The following TENM4 variants were observed in gnomAD, a reference collection of about 807,000 sequenced individuals.
TENM4 encodes teneurin transmembrane protein 4, also known as teneurin-4.
TENM4 carries 82 observed loss-of-function variants against 243.3 expected under a neutral mutation model. The ratio of observed to expected loss-of-function variants is 0.34; its 90% confidence interval spans 0.28 to 0.40. The LOEUF is 0.40. Among genes scored for constraint, TENM4 ranks in the 10% least tolerant of loss-of-function variants. TENM4 has a pLI of 1.00. For missense variants in TENM4, 3,138 were observed against 3,673.3 expected (o/e 0.85, Z 3.77); for synonymous variants, 1,412 against 1,456.3 (o/e 0.97, Z 0.69).
intron 1 of TENM4, among the ~76,000 whole-genome samples, chr11:79,303,543 A>T (rs1856582127): frequency 6.6e-6 from 1 of 152,106 alleles, no homozygotes; most frequent in Non-Finnish European, 1.5e-5. Context: ...ACAAATATTA[A>T]CTCATTTAAC....
intron 1 of TENM4, among the ~76,000 whole-genome samples, chr11:79,405,860 A>C (rs1345909452): frequency 6.6e-6 from 1 of 151,538 alleles, no homozygotes; most frequent in South Asian, 2.1e-4. Flanking sequence ...AAAAAAAAAA[A>C]AAAAAAAAAA....
intron 2 of TENM4, among the ~76,000 whole-genome samples, chr11:79,288,343 T>A (rs541339993): frequency 6.6e-6 from 1 of 152,262 alleles, no homozygotes; most frequent in Non-Finnish European, 1.5e-5. Flanking sequence ...AGCCAGGCTG[T>A]GCCTAGCACT....
chr11:79,115,187 T>A (rs1396147659), intron 4 of TENM4, among the ~76,000 whole-genome samples: 1 of 152,128 alleles, frequency 6.6e-6, no homozygotes, highest in Non-Finnish European at 1.5e-5. Flanking sequence ...TGACGGAAAC[T>A]TGGAAAATGT....
Position 78,855,952 on chromosome 11 carries a change from G to C in TENM4, c.1470+12C>G, listed in dbSNP as rs1858670907. ...CCATGCAGATCAACAGGGTATGTGGGGTTCTGGTTACCTGTGTATGTGAAG... is the reference window on the plus strand; with the variant it reads ...CCATGCAGATCAACAGGGTATGTGGCGTTCTGGTTACCTGTGTATGTGAAG... On this transcript the variant is annotated intron_variant, in intron 11 of 33. Transcript: ENST00000278550. 1.3e-6 allele frequency: 2 copies of C among 1,550,732 alleles called. No individual in the cohort carries two copies. Among genetic ancestry groups the C allele is most frequent in the Non-Finnish European group, 1.7e-6 (2 of 1,146,792 alleles).
intron 4 of TENM4, among the ~76,000 whole-genome samples, chr11:79,089,643 C>G (rs1341201953): frequency 6.6e-6 from 1 of 152,074 alleles, no homozygotes; most frequent in Non-Finnish European, 1.5e-5. Context: ...CAAGTAGTAT[C>G]CTTGCTACTT....
intron 3 of TENM4, among the ~76,000 whole-genome samples, chr11:79,163,428 G>C (rs1339907027): frequency 1.3e-5 from 2 of 151,710 alleles, no homozygotes; most frequent in African/African-American, 4.8e-5. Flanking sequence ...GTTTTTTTGG[G>C]GGAACAGGTG....
At chr11:78,954,244 C>T (rs1205565591) in intron 6 of TENM4, among the ~76,000 whole-genome samples, 1 of 152,114 alleles carries the variant, frequency 6.6e-6, no homozygotes, top group Admixed American at 6.5e-5. Flanking sequence ...AGATGGCTCC[C>T]AAAGACCACG....
chr11:78,971,087 A>G (rs1857535811), intron 6 of TENM4, among the ~76,000 whole-genome samples: 1 of 152,176 alleles, frequency 6.6e-6, no homozygotes, highest in Non-Finnish European at 1.5e-5. Flanking sequence ...TCACAGGCAC[A>G]ATCACAGGGT....
intron 12 of TENM4, among the ~76,000 whole-genome samples, chr11:78,836,872 T>C (rs541625009): frequency 2.0e-5 from 3 of 152,198 alleles, no homozygotes; most frequent in Non-Finnish European, 2.9e-5. Context: ...ATTTAAAATA[T>C]TTATATGCAT....
At chr11:79,094,741 G>C in intron 4 of TENM4, among the ~76,000 whole-genome samples, 1 of 152,138 alleles carries the variant, frequency 6.6e-6, no homozygotes, top group Non-Finnish European at 1.5e-5. Flanking sequence ...CCGTAAATCA[G>C]GCCCCAGTCA....
At chr11:78,755,076 G>C (rs1252764806) in intron 19 of TENM4, among the ~76,000 whole-genome samples, 1 of 152,158 alleles carries the variant, frequency 6.6e-6, no homozygotes, top group Non-Finnish European at 1.5e-5. Flanking sequence ...GTCACCCTCT[G>C]GGGATGACAG....
chr11:79,175,325 GCACT>G (rs1251850593), intron 3 of TENM4, among the ~76,000 whole-genome samples: 5 of 152,174 alleles, frequency 3.3e-5, no homozygotes, highest in African/African-American at 9.7e-5. Context: ...ACTGGTATGG[GCACT>G]CACTAGTTGA....
intron 18 of TENM4, among the ~76,000 whole-genome samples, chr11:78,768,328 A>G (rs1192175398): frequency 1.3e-5 from 2 of 152,208 alleles, no homozygotes; most frequent in East Asian, 3.8e-4. Flanking sequence ...TTCTATTTCC[A>G]ACCATGATGA....
Position 78,998,520 on chromosome 11 carries a change from G to A in TENM4, c.493+66218C>T, listed in dbSNP as rs148752363. On this transcript the variant is annotated intron_variant, in intron 6 of 33. Coordinates refer to ENST00000278550, the MANE Select transcript of TENM4 (RefSeq NM_001098816.3). ...TAACTATTTTAATTTTCTGGAAATT[G>A]ACAAAAGGCATATAATGATCTCCGA... 6.4e-4 allele frequency among the ~76,000 whole-genome samples: 98 copies of A among 152,140 alleles called. No individual in the cohort carries two copies. In the East Asian group the frequency reaches 0.016, roughly 25 times the overall value.
At chr11:78,703,052 A>G (rs1358726390) in intron 27 of TENM4, among the ~76,000 whole-genome samples, 1 of 152,232 alleles carries the variant, frequency 6.6e-6, no homozygotes, top group Non-Finnish European at 1.5e-5. Context: ...AGTGATTCTC[A>G]AATCTGGCCT....
Position 78,669,445 on chromosome 11 carries a change from C to T in TENM4, c.6900G>A (p.Val2300=). The T allele has an allele frequency of 6.2e-7, 1 of 1,612,546 alleles. No homozygotes were observed. Among genetic ancestry groups the T allele is most frequent in the Non-Finnish European group, 8.5e-7 (1 of 1,179,116 alleles). Residue 2300 remains valine (V), a synonymous_variant, in exon 32 of 34, where the codon GTG becomes GTA. Coordinates refer to ENST00000278550, the MANE Select transcript of TENM4 (RefSeq NM_001098816.3). The surrounding 1 kb of genome is among the most constrained non-coding windows in gnomAD (Gnocchi z 6.4). ...RYRYDGLGRR[V]SSKSSHSHHL... is the part of the protein sequence containing the mutation. Reference sequence around the variant, plus strand: ...GGTGGCTGTGGCTGCTCTTGCTGGACACGCGCCGCCCCAGGCCATCGTAGC... The same window carrying T: ...GGTGGCTGTGGCTGCTCTTGCTGGATACGCGCCGCCCCAGGCCATCGTAGC...
chr11:79,059,857 G>A (rs995109035), intron 6 of TENM4, among the ~76,000 whole-genome samples: 1 of 152,178 alleles, frequency 6.6e-6, no homozygotes, highest in Non-Finnish European at 1.5e-5. Context: ...GCTTAGACTG[G>A]GGCAACCAGG....
chr11:79,002,100 C>T (rs1858344181), intron 6 of TENM4, among the ~76,000 whole-genome samples: 2 of 152,156 alleles, frequency 1.3e-5, no homozygotes, highest in South Asian at 2.1e-4. Context: ...CCATCCCCAC[C>T]CCCCCACTGA....
At chr11:78,672,864 C>T (rs1408224254) in intron 30 of TENM4, among the ~76,000 whole-genome samples, 2 of 152,024 alleles carry the variant, frequency 1.3e-5, no homozygotes, top group African/African-American at 4.8e-5. Context: ...ACTCAGTGGC[C>T]CTCTGAGCAA....
Sources: allele counts gnomAD v4.1 joint callset (sites outside exome capture counted in the v4.1 genomes callset), GRCh38; gene constraint gnomAD v4.1.1; non-coding constraint Gnocchi (gnomAD v3.1); transcripts MANE v1.5; gene names NCBI Gene and HGNC (gene_info 2026-07-23, HGNC 2026-07-21).